MARF1: variants seen among roughly 807,000 people sequenced by gnomAD.
MARF1 encodes the protein meiosis regulator and mRNA stability factor 1.
In MARF1, 24 loss-of-function variants were observed where a neutral mutation model predicts 168.2. The ratio of observed to expected loss-of-function variants is 0.14; its 90% CI spans 0.10 to 0.20. The LOEUF (loss-of-function observed/expected upper bound fraction) is 0.20, where lower values mean the gene tolerates loss of function less well. Among genes scored for constraint, MARF1 ranks in the 10% least tolerant of loss-of-function variants. The pLI, the probability that MARF1 is intolerant of heterozygous loss-of-function variation, is 1.00. For missense variants in MARF1, 1,744 were observed against 2,143.6 expected (o/e 0.81, Z 3.68); for synonymous variants, 868 against 822.4 (o/e 1.06, Z -0.95).
chr16:15,625,819 G>C lies in MARF1; in HGVS notation c.1525-19C>G. 6.3e-7 allele frequency: 1 copy of C among 1,594,118 alleles called. No homozygotes were observed. The highest frequency in any genetic ancestry group is 8.6e-7 in the Non-Finnish European group (1 of 1,166,420). ...GGCACTGCTAATACAGAGGAAAGAA[G>C]TGTTACGTCAGGTTAATTCAAGGGC... On this transcript the variant is annotated intron_variant, in intron 7 of 26. Coordinates refer to ENST00000396368, the MANE Select transcript of MARF1 (RefSeq NM_014647.4).
intron 16 of MARF1, among the ~76,000 whole-genome samples, chr16:15,614,481 C>CAAA (rs59862823): frequency 1.8e-3 from 86 of 47,658 alleles, no homozygotes; most frequent in African/African-American, 7.4e-3. Context: ...GACTCCGTCT[C>CAAA]AAAAAAAAAA....
At chr16:15,609,234 C>T (rs369436097) in intron 20 of MARF1, among the ~76,000 whole-genome samples, 1 of 151,958 alleles carries the variant, frequency 6.6e-6, no homozygotes, top group East Asian at 1.9e-4. Flanking sequence ...AAAGAAACTC[C>T]GTCTCAAAAA....
chr16:15,599,220 G>A (rs1379623293), intron 25 of MARF1, 196 bp from the exon 26 acceptor site: 19 of 603,086 alleles, frequency 3.2e-5, no homozygotes, highest in South Asian at 2.1e-5. Context: ...GTAATGGAAC[G>A]CCTTAATAAG....
At chr16:15,609,478 G>A (rs772688698) in intron 20 of MARF1, 45 bp downstream of exon 20, 117 of 1,503,184 alleles carry the variant, frequency 7.8e-5, no homozygotes, top group Admixed American at 2.2e-4. Flanking sequence ...TTTCCTATAC[G>A]TTGTTCAGAA....
In MARF1 at chr16:15,608,513, C is replaced by T. The variant is rs2033223511; in HGVS notation, c.3960G>A (p.Leu1320=). 1 of 1,612,020 alleles carries T rather than the reference C, an allele frequency of 6.2e-7. No homozygotes were observed. The highest frequency in any genetic ancestry group is 1.3e-5 in the African/African-American group (1 of 74,976). Residue 1320 remains leucine (L), a synonymous_variant, in exon 21 of 27, where the codon TTG becomes TTA. Coordinates refer to ENST00000396368, the MANE Select transcript of MARF1 (RefSeq NM_014647.4). ...FEAIPDTLQV[L]ECGEEKILTL... The stretch of plus-strand genomic sequence containing the variant: ...TAAGGATCTTTTCTTCTCCACATTC[C>T]AATACCTTTGAAAACACACGGGGGG...
At chr16:15,622,519 G>A (rs1175676649) in intron 11 of MARF1, among the ~76,000 whole-genome samples, 1 of 152,034 alleles carries the variant, frequency 6.6e-6, no homozygotes, top group African/African-American at 2.4e-5. Context: ...AGCCTCCTAA[G>A]GAGCTGGGAC....
In MARF1 at chr16:15,625,570, T is replaced by G; in HGVS notation, c.1755A>C (p.Lys585Asn). 6.2e-7 allele frequency: 1 copy of G among 1,614,224 alleles called. No homozygotes were observed. Among genetic ancestry groups the G allele is most frequent in the Non-Finnish European group, 8.5e-7 (1 of 1,180,038 alleles). Reference protein sequence around the residue: ...GNRIIVSFTPKNRELCETKSS... With the variant: ...GNRIIVSFTPNNRELCETKSS... ...TCTTTGTTTCACAGAGTTCTCTATT[T>G]TTTGGAGTAAATGACACAATGATCC... The change falls in exon 8 of 27, where the codon AAA becomes AAC. Residue 585 changes from lysine (K) to asparagine (N), a missense_variant. Lys to Asn is a moderately conservative substitution (Grantham distance 94, BLOSUM62 0). This residue lies in a region of MARF1 where 270 missense variants were observed against 260.6 expected (regional missense o/e 1.04). Transcript: ENST00000396368.
At chr16:15,623,232 C>G (rs1412740931) in intron 10 of MARF1, 109 bp from the exon 11 acceptor site, 1 of 606,064 alleles carries the variant, frequency 1.6e-6, no homozygotes, top group Admixed American at 4.1e-5. Flanking sequence ...TTTTCCACAA[C>G]ACAACCAAAC....
At chr16:15,624,624 T>A in intron 10 of MARF1, 145 bp downstream of exon 10, 1 of 736,724 alleles carries the variant, frequency 1.4e-6, no homozygotes, top group Non-Finnish European at 2.3e-6. Context: ...GATGATTACC[T>A]GAGGAGAGGG....
intron 21 of MARF1, among the ~76,000 whole-genome samples, chr16:15,605,365 G>T (rs2032916893): frequency 6.6e-6 from 1 of 152,164 alleles, no homozygotes; most frequent in Non-Finnish European, 1.5e-5. Flanking sequence ...CACTTGAGGA[G>T]CCATCCCAAG....
intron 7 of MARF1, among the ~76,000 whole-genome samples, chr16:15,627,492 C>T (rs1373356010): frequency 2.0e-5 from 3 of 152,158 alleles, no homozygotes; most frequent in Admixed American, 6.5e-5. Flanking sequence ...GTGGCGGGCG[C>T]CTGTAATCCC....
At chr16:15,605,512 G>T (rs146876014) in intron 21 of MARF1, among the ~76,000 whole-genome samples, 3 of 152,066 alleles carry the variant, frequency 2.0e-5, no homozygotes, top group African/African-American at 7.2e-5. Flanking sequence ...TCAACCAACC[G>T]ATACAAGTCC....
In MARF1 at chr16:15,643,125, G is replaced by C. The variant is rs1596526673; in HGVS notation, c.-166C>G. On this transcript the variant is annotated 5_prime_UTR_variant, in exon 1 of 27. Transcript: ENST00000396368. The stretch of plus-strand genomic sequence containing the variant: ...CGACTCCGCAGCTCCCGCCGCCGCC[G>C]CCAAGCGCACCCTTCACTTCCGCTT... The C allele has an allele frequency of 2.1e-5, 4 of 188,998 alleles. No individual in the cohort carries two copies. Among genetic ancestry groups the C allele is most frequent in the Non-Finnish European group, 3.1e-5 (3 of 97,454 alleles). The allele number at this position is 188,998 out of a possible 1,614,324, so 11.7% of individuals were successfully genotyped here.
chr16:15,607,112 T>C (rs1375138644), intron 21 of MARF1, among the ~76,000 whole-genome samples: 1 of 151,634 alleles, frequency 6.6e-6, no homozygotes, highest in African/African-American at 2.4e-5. Flanking sequence ...TCCTCTGCCT[T>C]GGCTCAGGGA....
At chr16:15,629,076 C>T (rs1205840125) in intron 7 of MARF1, among the ~76,000 whole-genome samples, 1 of 150,230 alleles carries the variant, frequency 6.7e-6, no homozygotes, top group East Asian at 2.0e-4. Context: ...GCTCTGTCGA[C>T]CAGGCTGGAG....
At position 15,633,602 on chromosome 16, in the gene MARF1, ATT is replaced by A. The variant is rs5815838; in HGVS notation, c.1233+13_1233+14del. The A allele has an allele frequency of 4.9e-3, 6,243 of 1,284,270 alleles. 1 individual carries two copies. The highest frequency in any genetic ancestry group is 5.5e-3 in the South Asian group (385 of 70,016). 79.6% of individuals were successfully genotyped at this position (1,284,270 alleles called of 1,614,324 possible). A position where few individuals can be genotyped will look rare whatever the true frequency, so the allele number is the denominator to read the frequency against. On this transcript the variant is annotated intron_variant, in intron 5 of 26. Coordinates refer to ENST00000396368, the MANE Select transcript of MARF1 (RefSeq NM_014647.4). The stretch of plus-strand genomic sequence containing the variant: ...CTCTACTGTAGATTAAAATTATTAA[ATT>A]TTTTTTTTTTACCTGGCAATTATTC...
At chr16:15,601,494 GCTCC>G (rs1166593666) in intron 23 of MARF1, 3 of 221,144 alleles carry the variant, frequency 1.4e-5, no homozygotes, top group Admixed American at 1.0e-4. Flanking sequence ...CGAGCTCTCA[GCTCC>G]CTCTTAGCCT....
At chr16:15,625,972 T>C (rs548470577) in intron 7 of MARF1, among the ~76,000 whole-genome samples, 172 bp from the exon 8 acceptor site, 7 of 152,268 alleles carry the variant, frequency 4.6e-5, no homozygotes, top group African/African-American at 1.7e-4. Flanking sequence ...TAACTGAATA[T>C]TGTTTTAAAG....
At position 15,617,177 on chromosome 16, in the gene MARF1, G is replaced by A. The variant is rs868641881; in HGVS notation, c.2958-6C>T. ...CTGGATCAAATTCATGTTCGCTGAA[G>A]AAAAGAGAACACAATTGGAAGCTGA... On this transcript the variant is annotated splice_polypyrimidine_tract_variant and splice_region_variant and intron_variant, in intron 14 of 26. Transcript: ENST00000396368. 1.2e-6 allele frequency: 2 copies of A among 1,613,640 alleles called. No individual in the cohort carries two copies. The highest frequency in any genetic ancestry group is 1.7e-6 in the Non-Finnish European group (2 of 1,179,862).
Sources: allele counts gnomAD v4.1 joint callset (sites outside exome capture counted in the v4.1 genomes callset), GRCh38; gene constraint gnomAD v4.1.1; regional missense constraint gnomAD v4.1.1; transcripts MANE v1.5; gene names NCBI Gene and HGNC (gene_info 2026-07-23, HGNC 2026-07-21).